PRKD1: variants seen among roughly 807,000 people sequenced by gnomAD.
The protein encoded by PRKD1 is protein kinase D1, also known as serine/threonine-protein kinase D1.
Under a neutral mutation model 95.9 loss-of-function variants are expected in PRKD1, and 63 were observed. That is an observed-to-expected ratio of 0.66 (90% confidence interval 0.54 to 0.81). The LOEUF is 0.81. Among genes scored for constraint, PRKD1 ranks in the 30% least tolerant of loss-of-function variants. The pLI is 0.00. For synonymous variants in PRKD1, 425 were observed against 423.1 expected (o/e 1.00, Z -0.05); for missense variants, 1,048 against 1,165.3 (o/e 0.90, Z 1.47).
At chr14:29,855,771 C>A (rs1958992) in intron 1 of PRKD1, among the ~76,000 whole-genome samples, 61,035 of 151,866 alleles carry the variant, frequency 0.4, 13,442 homozygotes, top group African/African-American at 0.58. Context: ...TGCTATTCTC[C>A]TGATGGTGAG....
chr14:29,875,672 T>C (rs1893261927), intron 1 of PRKD1, among the ~76,000 whole-genome samples: 2 of 152,258 alleles, frequency 1.3e-5, no homozygotes, highest in South Asian at 4.1e-4. Flanking sequence ...ATTTATGCAC[T>C]GCTGATGTCC....
At chr14:29,585,479 T>C (rs1255474773) in intron 16 of PRKD1, among the ~76,000 whole-genome samples, 1 of 152,190 alleles carries the variant, frequency 6.6e-6, no homozygotes, top group Non-Finnish European at 1.5e-5. Flanking sequence ...GATATGATCT[T>C]GGAAATCATA....
chr14:29,804,110 T>G (rs1032356403), intron 1 of PRKD1, among the ~76,000 whole-genome samples: 5 of 151,868 alleles, frequency 3.3e-5, no homozygotes, highest in African/African-American at 4.8e-5. Flanking sequence ...GGCATGGTGG[T>G]TGGCGCCTGT....
At chr14:29,858,652 C>G (rs1466278111) in intron 1 of PRKD1, among the ~76,000 whole-genome samples, 2 of 151,900 alleles carry the variant, frequency 1.3e-5, no homozygotes, top group Admixed American at 6.6e-5. Flanking sequence ...AATGGCAAAC[C>G]TTCAAAGAGG....
At chr14:29,737,480 A>G (rs1886786434) in intron 1 of PRKD1, among the ~76,000 whole-genome samples, 1 of 152,148 alleles carries the variant, frequency 6.6e-6, no homozygotes, top group Non-Finnish European at 1.5e-5. Flanking sequence ...TTCTCATTAA[A>G]TATGATTCTC....
chr14:29,819,334 T>A (rs549278677), intron 1 of PRKD1, among the ~76,000 whole-genome samples: 6 of 152,056 alleles, frequency 3.9e-5, no homozygotes, highest in Non-Finnish European at 8.8e-5. Flanking sequence ...GTGCGTAATA[T>A]CCTCAGACAG....
intron 1 of PRKD1, among the ~76,000 whole-genome samples, chr14:29,883,708 C>A (rs190618615): frequency 6.6e-6 from 1 of 152,170 alleles, no homozygotes; most frequent in Admixed American, 6.5e-5. Context: ...TTGTAAATGA[C>A]CATTAGTCTT....
chr14:29,899,435 C>A (rs1466889827), intron 1 of PRKD1, among the ~76,000 whole-genome samples: 1 of 152,056 alleles, frequency 6.6e-6, no homozygotes, highest in Non-Finnish European at 1.5e-5. Context: ...TCACTTAAGG[C>A]CCGGAGTTCA....
intron 1 of PRKD1, among the ~76,000 whole-genome samples, chr14:29,764,289 T>C (rs2139123619): frequency 6.6e-6 from 1 of 152,032 alleles, no homozygotes; most frequent in African/African-American, 2.4e-5. Flanking sequence ...AAAAAAAATC[T>C]AAAAAGTACT....
chr14:29,716,892 T>C (rs1885639263), intron 2 of PRKD1, among the ~76,000 whole-genome samples: 1 of 152,080 alleles, frequency 6.6e-6, no homozygotes, highest in South Asian at 2.1e-4. Context: ...GCTTGAGAAA[T>C]ACTGTGAAAG....
chr14:29,787,602 TA>T (rs1889334309), intron 1 of PRKD1, among the ~76,000 whole-genome samples: 1 of 152,266 alleles, frequency 6.6e-6, no homozygotes, highest in East Asian at 1.9e-4. Context: ...TCTCTTTTTA[TA>T]TATTTTTAAC....
At position 29,686,928 on chromosome 14, in the gene PRKD1, A is replaced by G. The variant is rs138800838; in HGVS notation, c.404-20720T>C. Among the ~76,000 whole-genome samples the G allele has an allele frequency of 5.9e-5, 9 of 152,228 alleles. No individual in the cohort carries two copies. In the East Asian group the frequency reaches 1.7e-3, roughly 29 times the overall value. ...ACTACCTGACTGTTAACAACATACC[A>G]TGACTTTTTTGTCAGAGCCTTCTTC... is the stretch of plus-strand genomic sequence containing the variant. On this transcript the variant is annotated intron_variant, in intron 2 of 17. Transcript: ENST00000331968.
At chr14:29,859,356 C>G (rs560806816) in intron 1 of PRKD1, among the ~76,000 whole-genome samples, 4 of 151,908 alleles carry the variant, frequency 2.6e-5, no homozygotes, top group Non-Finnish European at 5.9e-5. Context: ...CACCTGTAAT[C>G]CCAGCACTTT....
At chr14:29,869,454 A>G (rs977317736) in intron 1 of PRKD1, among the ~76,000 whole-genome samples, 4 of 152,150 alleles carry the variant, frequency 2.6e-5, no homozygotes, top group Admixed American at 6.5e-5. Flanking sequence ...AAAAAAAAAA[A>G]AAGAAGAAAG....
At chr14:29,917,845 G>A (rs1035019711) in intron 1 of PRKD1, among the ~76,000 whole-genome samples, 3 of 151,994 alleles carry the variant, frequency 2.0e-5, no homozygotes, top group East Asian at 3.9e-4. Flanking sequence ...TCCTTACTTG[G>A]ACTGATGAAA....
chr14:29,861,220 G>A (rs1892698764), intron 1 of PRKD1, among the ~76,000 whole-genome samples: 1 of 152,006 alleles, frequency 6.6e-6, no homozygotes, highest in African/African-American at 2.4e-5. Flanking sequence ...ATGGAATGGA[G>A]AAAAGAGGGC....
rs1594563223 is a variant in PRKD1 at position 29,835,719 on chromosome 14, C to T, written c.264+91530G>A. Among the ~76,000 whole-genome samples, 4 of 152,034 alleles carry T rather than the reference C, an allele frequency of 2.6e-5. No homozygotes were observed. In the South Asian group the frequency reaches 8.3e-4, roughly 32 times the overall value. ...CTGAGTAGCTGGGATTACAGGCACA[C>T]GCCACCACACCCAGCTAATTTTTGT... On this transcript the variant is annotated intron_variant, in intron 1 of 17. Transcript: ENST00000331968.
chr14:29,603,199 C>A (rs555077693), intron 13 of PRKD1, among the ~76,000 whole-genome samples: 2 of 152,316 alleles, frequency 1.3e-5, no homozygotes, highest in South Asian at 4.1e-4. Context: ...TCCCAAAGTA[C>A]ATATTGAATG....
chr14:29,665,517 A>G (rs1450024765), intron 3 of PRKD1, among the ~76,000 whole-genome samples: 1 of 152,182 alleles, frequency 6.6e-6, no homozygotes, highest in Non-Finnish European at 1.5e-5. Context: ...CAGTTAGGAT[A>G]ATGGCCTCCA....
Sources: gnomAD v4.1 joint callset for allele counts (sites outside exome capture counted in the v4.1 genomes callset) on GRCh38, gnomAD v4.1.1 for gene constraint, MANE v1.5 for transcripts, NCBI Gene and HGNC (gene_info 2026-07-23, HGNC 2026-07-21) for gene names.